The following KCNQ3 variants were observed in gnomAD, a reference collection of about 807,000 sequenced individuals.
KCNQ3 encodes the protein potassium voltage-gated channel subfamily KQT member 3.
Under a neutral mutation model 92.5 loss-of-function variants are expected in KCNQ3, and 30 were observed. That is an observed-to-expected ratio of 0.32 (90% CI 0.24 to 0.44). The LOEUF is 0.44. Among genes scored for constraint, KCNQ3 ranks in the 20% least tolerant of loss-of-function variants. The probability of loss-of-function intolerance (pLI) is 1.00; values close to 1 mark genes in which losing one functional copy is unlikely to be tolerated. For synonymous variants in KCNQ3, 450 were observed against 468.8 expected (o/e 0.96, Z 0.52); for missense variants, 913 against 1,140.3 (o/e 0.80, Z 2.87).
intron 1 of KCNQ3, among the ~76,000 whole-genome samples, chr8:132,405,564 C>T (rs931797801): frequency 6.6e-6 from 1 of 152,172 alleles, no homozygotes; most frequent in Non-Finnish European, 1.5e-5. Context: ...ATAAAGCACC[C>T]ACTCAGTGTC....
chr8:132,282,551 G>A (rs1457779), intron 1 of KCNQ3, among the ~76,000 whole-genome samples: 89,314 of 151,634 alleles, frequency 0.59, 27,172 homozygotes, highest in East Asian at 0.78. Flanking sequence ...CTCTGCTCCC[G>A]CCCCCTGGAA....
intron 1 of KCNQ3, among the ~76,000 whole-genome samples, chr8:132,377,733 T>C (rs996851931): frequency 1.4e-4 from 22 of 152,216 alleles, no homozygotes; most frequent in African/African-American, 5.3e-4. Flanking sequence ...TCTTCAAATA[T>C]GGTAGTCCTT....
chr8:132,385,619 C>T (rs1436262002), intron 1 of KCNQ3, among the ~76,000 whole-genome samples: 1 of 152,138 alleles, frequency 6.6e-6, no homozygotes, highest in Non-Finnish European at 1.5e-5. Flanking sequence ...CTGCTCTTCC[C>T]CTTCCTCTCT....
At chr8:132,238,167 T>A (rs1814875854) in intron 1 of KCNQ3, among the ~76,000 whole-genome samples, 1 of 151,886 alleles carries the variant, frequency 6.6e-6, no homozygotes, top group Admixed American at 6.6e-5. Context: ...TGCACTAAAT[T>A]AGGGAAGCTA....
At chr8:132,350,324 A>G (rs920009814) in intron 1 of KCNQ3, among the ~76,000 whole-genome samples, 17 of 152,174 alleles carry the variant, frequency 1.1e-4, no homozygotes, top group Admixed American at 1.1e-3. Context: ...GATGCTGGCT[A>G]TACTTTGCTC....
chr8:132,217,675 C>G lies in KCNQ3; in HGVS notation c.387-31494G>C, dbSNP rs533073760. 9.8e-4 allele frequency among the ~76,000 whole-genome samples: 143 copies of G among 145,626 alleles called. 5 individuals carry two copies. Among genetic ancestry groups the G allele is most frequent in the Admixed American group, 9.8e-3 (141 of 14,424 alleles). On this transcript the variant is annotated intron_variant, in intron 1 of 14. Coordinates refer to ENST00000388996, the MANE Select transcript of KCNQ3 (RefSeq NM_004519.4). ...GCAGTGAGCCAAGATTGTGCCACTG[C>G]ACTCCAGCCTGGGCGACAGAGTGAG...
intron 1 of KCNQ3, among the ~76,000 whole-genome samples, chr8:132,387,523 AC>A (rs1181961608): frequency 1.3e-5 from 2 of 152,218 alleles, no homozygotes; most frequent in Non-Finnish European, 2.9e-5. Flanking sequence ...CTAAGACTCA[AC>A]CACAAAATAG....
intron 1 of KCNQ3, among the ~76,000 whole-genome samples, chr8:132,201,652 C>T (rs548444583): frequency 6.6e-6 from 1 of 152,180 alleles, no homozygotes; most frequent in African/African-American, 2.4e-5. Context: ...CCTCCATATG[C>T]CGCCTCCTGG....
At chr8:132,339,216 C>A (rs1299799002) in intron 1 of KCNQ3, among the ~76,000 whole-genome samples, 4 of 152,134 alleles carry the variant, frequency 2.6e-5, no homozygotes, top group African/African-American at 9.7e-5. Flanking sequence ...AGGAGCAGGG[C>A]CCTTCCAGAT....
intron 9 of KCNQ3, among the ~76,000 whole-genome samples, chr8:132,156,533 CCT>C (rs1052695252): frequency 6.6e-6 from 1 of 152,064 alleles, no homozygotes; most frequent in Admixed American, 6.5e-5. Context: ...AATCTCAGCC[CCT>C]GTGTGAGTTG....
At chr8:132,283,980 A>T (rs59159996) in intron 1 of KCNQ3, among the ~76,000 whole-genome samples, 3,919 of 152,282 alleles carry the variant, frequency 0.026, 185 homozygotes, top group African/African-American at 0.089. Context: ...CCTAGGTATA[A>T]AGATGGAACT....
At chr8:132,469,420 T>C (rs1380563214) in intron 1 of KCNQ3, among the ~76,000 whole-genome samples, 2 of 152,240 alleles carry the variant, frequency 1.3e-5, no homozygotes, top group Admixed American at 1.3e-4. Context: ...GGTATTGCGA[T>C]GCCCATTTTG....
rs547314937 is a variant in KCNQ3, at chr8:132,270,334, C to T, written c.387-84153G>A. ...AACTACATGCAAGAGAATCTCCATACGCAGGAAGTCCTAGTCACAGGCATT... is the reference window on the plus strand; with the variant it reads ...AACTACATGCAAGAGAATCTCCATATGCAGGAAGTCCTAGTCACAGGCATT... On this transcript the variant is annotated intron_variant, in intron 1 of 14. Coordinates refer to ENST00000388996, the MANE Select transcript of KCNQ3 (RefSeq NM_004519.4). Among the ~76,000 whole-genome samples, 25 of 152,280 alleles carry T rather than the reference C, an allele frequency of 1.6e-4. No individual in the cohort carries two copies. The East Asian group carries it at 1.9e-3, about 12-fold the overall frequency.
Position 132,172,699 on chromosome 8 carries a change from G to T in KCNQ3, c.1045-6C>A. 6.2e-7 allele frequency: 1 copy of T among 1,609,678 alleles called. No individual in the cohort carries two copies. Among genetic ancestry groups the T allele is most frequent in the Middle Eastern group, 1.7e-4 (1 of 6,058 alleles). The stretch of plus-strand genomic sequence containing the variant: ...AGCCCGGACCCCAGGATGCCCTGGA[G>T]GGAGAGGCAGGCAGGCAGTCAGCCC... On this transcript the variant is annotated splice_region_variant and splice_polypyrimidine_tract_variant and intron_variant, in intron 6 of 14. Coordinates refer to ENST00000388996, the MANE Select transcript of KCNQ3 (RefSeq NM_004519.4).
chr8:132,314,586 A>G (rs568633141), intron 1 of KCNQ3, among the ~76,000 whole-genome samples: 57 of 152,360 alleles, frequency 3.7e-4, no homozygotes, highest in South Asian at 6.2e-4. Context: ...ATAAGGTCAA[A>G]AATGGTTATC....
intron 1 of KCNQ3, among the ~76,000 whole-genome samples, chr8:132,370,333 A>G (rs1488749320): frequency 6.6e-6 from 1 of 152,238 alleles, no homozygotes; most frequent in South Asian, 2.1e-4. Flanking sequence ...TGAATGAATG[A>G]GCAATTGAAA....
intron 1 of KCNQ3, among the ~76,000 whole-genome samples, chr8:132,372,873 G>A (rs967368164): frequency 1.3e-5 from 2 of 151,492 alleles, no homozygotes; most frequent in Admixed American, 6.6e-5. Flanking sequence ...GTGAATATTA[G>A]AGGCAGAAAG....
At position 132,149,688 on chromosome 8, in the gene KCNQ3, G is replaced by A. The variant is rs531133248; in HGVS notation, c.1263-8357C>T. On this transcript the variant is annotated intron_variant, in intron 9 of 14. Coordinates refer to ENST00000388996, the MANE Select transcript of KCNQ3 (RefSeq NM_004519.4). ...CACCCACCCCAAGGGCCACAGACACGCGCGCGGGACAGTTGGGCCAGGCAG... is the reference window on the plus strand; with the variant it reads ...CACCCACCCCAAGGGCCACAGACACACGCGCGGGACAGTTGGGCCAGGCAG... Among the ~76,000 whole-genome samples, 20 of 152,252 alleles carry A rather than the reference G, an allele frequency of 1.3e-4. 1 individual carries two copies. The highest frequency in any genetic ancestry group is 4.1e-4 in the South Asian group (2 of 4,830).
At chr8:132,432,924 C>G (rs935361976) in intron 1 of KCNQ3, among the ~76,000 whole-genome samples, 32 of 152,214 alleles carry the variant, frequency 2.1e-4, no homozygotes, top group African/African-American at 7.7e-4. Flanking sequence ...TTTGCCACCA[C>G]TTGAAGAGAA....
Sources: gnomAD v4.1 joint callset for allele counts (sites outside exome capture counted in the v4.1 genomes callset) on GRCh38, gnomAD v4.1.1 for gene constraint, MANE v1.5 for transcripts, NCBI Gene and HGNC (gene_info 2026-07-23, HGNC 2026-07-21) for gene names.